The following WDR86 variants were observed in gnomAD, a reference collection of about 807,000 sequenced individuals.
The protein encoded by WDR86 is WD repeat-containing protein 86.
WDR86 carries 30 observed loss-of-function variants against 36.5 expected under a neutral mutation model. That is an observed-to-expected ratio of 0.82 (90% CI 0.61 to 1.11). WDR86 has a LOEUF of 1.11. Among genes scored for constraint, WDR86 ranks in the 50% most tolerant of loss-of-function variants. The pLI, the probability that WDR86 is intolerant of heterozygous loss-of-function variation, is 0.00. For missense variants in WDR86, 545 were observed against 561.2 expected (o/e 0.97, Z 0.29); for synonymous variants, 255 against 252.9 (o/e 1.01, Z -0.08).
chr7:151,376,100 G>T (rs531629840), exon 2 of WDR86: 4 of 617,046 alleles, frequency 6.5e-6, no homozygotes, highest in Admixed American at 2.6e-5. Flanking sequence ...GGCCACCCAC[G>T]CAGTAACAGA....
chr7:151,405,809 T>C lies in WDR86; in HGVS notation c.163+3618A>G, dbSNP rs1255600374. On this transcript the variant is annotated intron_variant, in intron 1 of 5. Transcript: ENST00000334493. The surrounding 1 kb of genome is among the most constrained non-coding windows in gnomAD (Gnocchi z 4.7). The stretch of plus-strand genomic sequence containing the variant: ...TCCTATGCCACCGGCTCCCAGCAAA[T>C]GGGAATGTGGGGTTGTACCCAGGAA... Among the ~76,000 whole-genome samples the C allele has an allele frequency of 6.6e-6, 1 of 152,020 alleles. No individual in the cohort carries two copies. Among genetic ancestry groups the C allele is most frequent in the African/African-American group, 2.4e-5 (1 of 41,388 alleles).
At position 151,400,383 on chromosome 7, in the gene WDR86, G is replaced by T. The variant is rs962332538; in HGVS notation, c.164-142C>A. Reference sequence around the variant, plus strand: ...GCTGGAGTCAATTAGCATTAGTTTTGTTTTGTTTTGTTTTTTTGAGACAGA... The same window carrying T: ...GCTGGAGTCAATTAGCATTAGTTTTTTTTTGTTTTGTTTTTTTGAGACAGA... On this transcript the variant is annotated intron_variant, in intron 1 of 5. Transcript: ENST00000334493. 219 of 979,648 alleles carry T rather than the reference G, an allele frequency of 2.2e-4. 2 individuals are homozygous for T. The highest frequency in any genetic ancestry group is 3.5e-5 in the Non-Finnish European group (25 of 705,712). 60.7% of individuals were successfully genotyped at this position (979,648 alleles called of 1,614,324 possible).
intron 3 of WDR86, among the ~76,000 whole-genome samples, chr7:151,395,226 A>G (rs917411446): frequency 6.6e-6 from 1 of 152,206 alleles, no homozygotes; most frequent in African/African-American, 2.4e-5. Flanking sequence ...CAGCACAAAG[A>G]CAAACCAGGA....
intron 1 of WDR86, chr7:151,408,727 T>A: frequency 2.7e-6 from 1 of 373,856 alleles, no homozygotes; most frequent in Non-Finnish European, 5.5e-6. Flanking sequence ...TCACAGTGCA[T>A]GGGACAGGCC....
At chr7:151,393,012 C>T (rs1275668862) in intron 3 of WDR86, among the ~76,000 whole-genome samples, 1 of 152,204 alleles carries the variant, frequency 6.6e-6, no homozygotes, top group Non-Finnish European at 1.5e-5. Context: ...ACCTTCTGTC[C>T]CCAGTCCTCT....
intron 1 of WDR86, chr7:151,408,734 G>A (rs1340252221): frequency 5.2e-6 from 2 of 383,946 alleles, no homozygotes; most frequent in Non-Finnish European, 1.1e-5. Context: ...GCATGGGACA[G>A]GCCCAGGGGA....
Position 151,409,254 on chromosome 7 carries a change from C to T in WDR86, c.163+173G>A. On this transcript the variant is annotated intron_variant, in intron 1 of 5. Transcript: ENST00000334493. This position sits in a 1 kb window ranked among gnomAD's most constrained non-coding sequence, Gnocchi z 5.2. ...CACCCCCAGACCTCACCCTGCCCTG[C>T]CGTGCGCTCAACAGCCAGATGCTGG... The T allele has an allele frequency of 1.7e-6, 2 of 1,149,810 alleles. No homozygotes were observed. Among genetic ancestry groups the T allele is most frequent in the Non-Finnish European group, 2.5e-6 (2 of 807,000 alleles). The allele number at this position is 1,149,810 out of a possible 1,614,324, so 71.2% of individuals were successfully genotyped here.
In WDR86 at chr7:151,381,154, C is replaced by T. The variant is rs1798530231; in HGVS notation, c.*428G>A. ...ACGTTCAGGCTGTATATTTCAGTTCCCCCCAAGGCCCTCGAGACGGACGAT... is the reference window on the plus strand; with the variant it reads ...ACGTTCAGGCTGTATATTTCAGTTCTCCCCAAGGCCCTCGAGACGGACGAT... On this transcript the variant is annotated 3_prime_UTR_variant, in exon 6 of 6. Coordinates refer to ENST00000334493, the MANE Select transcript of WDR86 (RefSeq NM_198285.3). The surrounding 1 kb of genome is among the most constrained non-coding windows in gnomAD (Gnocchi z 4.8). 8.0e-7 allele frequency: 1 copy of T among 1,243,072 alleles called. No homozygotes were observed. Among genetic ancestry groups the T allele is most frequent in the Non-Finnish European group, 1.0e-6 (1 of 995,692 alleles). 77.0% of individuals were successfully genotyped at this position (1,243,072 alleles called of 1,614,324 possible).
In WDR86 at chr7:151,395,791, G is replaced by A. The variant is rs774160546; in HGVS notation, c.711C>T (p.Ser237=). The part of the protein sequence containing the change: ...QLRVFREHRG[S]VICLELVNRL... ...ACAGTCTCACCTCCAGACAGATGAC[G>A]GAGCCCCGGTGCTCCCGGAACACCC... Residue 237 remains serine (S), a synonymous_variant, in exon 3 of 6, where the codon TCC becomes TCT. Coordinates refer to ENST00000334493, the MANE Select transcript of WDR86 (RefSeq NM_198285.3). 13 of 1,560,726 alleles carry A rather than the reference G, an allele frequency of 8.3e-6. No homozygotes were observed. The highest frequency in any genetic ancestry group is 3.5e-5 in the South Asian group (3 of 84,618).
chr7:151,403,988 A>G (rs1242656322), intron 1 of WDR86, among the ~76,000 whole-genome samples: 3 of 152,198 alleles, frequency 2.0e-5, no homozygotes, highest in Non-Finnish European at 4.4e-5. Flanking sequence ...GGTGAAGCGC[A>G]GCAGTGAGTC....
In WDR86 at chr7:151,381,886, A is replaced by G. The variant is rs144230838; in HGVS notation, c.958T>C (p.Cys320Arg). 6.2e-5 allele frequency: 99 copies of G among 1,608,818 alleles called. 1 individual carries two copies. The African/African-American group carries it at 1.2e-3, about 19-fold the overall frequency. Residue 320 changes from cysteine (C) to arginine (R), a missense_variant, in exon 5 of 6, where the codon TGC (cysteine) becomes CGC (arginine). Transcript: ENST00000334493. The surrounding 1 kb of genome is among the most constrained non-coding windows in gnomAD (Gnocchi z 4.8). ...VFRGHTFIIN[C>R]IQVHGQVLYT... is the part of the protein sequence containing the mutation. Reference sequence around the variant, plus strand: ...AGGGCAGAGGGACCTACCTGGATGCAGTTGATGATGAATGTGTGGCCCCGG... The same window carrying G: ...AGGGCAGAGGGACCTACCTGGATGCGGTTGATGATGAATGTGTGGCCCCGG...
At position 151,405,555 on chromosome 7, in the gene WDR86, G is replaced by T. The variant is rs562783547; in HGVS notation, c.163+3872C>A. Among the ~76,000 whole-genome samples the T allele has an allele frequency of 6.6e-6, 1 of 152,210 alleles. No individual in the cohort carries two copies. The stretch of plus-strand genomic sequence containing the variant: ...ATCTGGGCCCAGAAGCACCAACAGC[G>T]TGGCTGGAATGGACACTGACGTGGC... On this transcript the variant is annotated intron_variant, in intron 1 of 5. Transcript: ENST00000334493. The surrounding 1 kb of genome is among the most constrained non-coding windows in gnomAD (Gnocchi z 4.7).
At chr7:151,404,920 T>G (rs748763406) in intron 1 of WDR86, among the ~76,000 whole-genome samples, 4 of 152,162 alleles carry the variant, frequency 2.6e-5, no homozygotes, top group Non-Finnish European at 5.9e-5. Context: ...GCCCCTGACT[T>G]GCGTGGAAGC....
In WDR86 at chr7:151,388,891, G is replaced by A. The variant is rs1799190774; in HGVS notation, c.727-3668C>T. Among the ~76,000 whole-genome samples, 1 of 152,030 alleles carries A rather than the reference G, an allele frequency of 6.6e-6. No individual in the cohort carries two copies. Among genetic ancestry groups the A allele is most frequent in the Non-Finnish European group, 1.5e-5 (1 of 68,008 alleles). ...ATTAGGAAGTAAAGTGGTTATGAGG[G>A]CCCGCCTCATAAATGAGATGAGTTC... On this transcript the variant is annotated intron_variant, in intron 3 of 5. Transcript: ENST00000334493. This position sits in a 1 kb window ranked among gnomAD's most constrained non-coding sequence, Gnocchi z 4.2.
At chr7:151,407,899 T>A (rs1223609033) in intron 1 of WDR86, among the ~76,000 whole-genome samples, 1 of 152,082 alleles carries the variant, frequency 6.6e-6, no homozygotes, top group South Asian at 2.1e-4. Flanking sequence ...GAGGACTGCA[T>A]CACTGGAGCC....
chr7:151,402,070 A>AAAAAAAAAAATATAT lies in WDR86; in HGVS notation c.164-1830_164-1829insATATATTTTTTTTTT. The stretch of plus-strand genomic sequence containing the variant: ...CTCAAAAAAAAAAAAAAAAAAAAAA[A>AAAAAAAAAAATATAT]ATATATATATATATATATATATCTC... On this transcript the variant is annotated intron_variant, in intron 1 of 5. Coordinates refer to ENST00000334493, the MANE Select transcript of WDR86 (RefSeq NM_198285.3). Among the ~76,000 whole-genome samples, 8 of 50,534 alleles carry AAAAAAAAAAATATAT rather than the reference A, an allele frequency of 1.6e-4. 1 individual carries two copies. The highest frequency in any genetic ancestry group is 9.4e-4 in the African/African-American group (8 of 8,492). The allele number at this position is 50,534 out of a possible 152,430, so 33.2% of individuals were successfully genotyped here.
chr7:151,409,913 C>T lies in WDR86; in HGVS notation c.-324G>A. 3 of 1,101,426 alleles carry T rather than the reference C, an allele frequency of 2.7e-6. No homozygotes were observed. The highest frequency in any genetic ancestry group is 4.4e-5 in the South Asian group (1 of 22,678). 68.2% of individuals were successfully genotyped at this position (1,101,426 alleles called of 1,614,324 possible). A position where few individuals can be genotyped will look rare whatever the true frequency, so the allele number is the denominator to read the frequency against. On this transcript the variant is annotated 5_prime_UTR_variant, in exon 1 of 6. Coordinates refer to ENST00000334493, the MANE Select transcript of WDR86 (RefSeq NM_198285.3). This position sits in a 1 kb window ranked among gnomAD's most constrained non-coding sequence, Gnocchi z 5.2. ...TCCACACCCCACCGGGCGAACAAGG[C>T]AGCTGCGTCTCTGGTGCACAAGGAG...
At position 151,406,555 on chromosome 7, in the gene WDR86, G is replaced by A. The variant is rs1191156071; in HGVS notation, c.163+2872C>T. Among the ~76,000 whole-genome samples the A allele has an allele frequency of 6.6e-6, 1 of 152,180 alleles. No homozygotes were observed. The highest frequency in any genetic ancestry group is 2.4e-5 in the African/African-American group (1 of 41,422). On this transcript the variant is annotated intron_variant, in intron 1 of 5. Coordinates refer to ENST00000334493, the MANE Select transcript of WDR86 (RefSeq NM_198285.3). The surrounding 1 kb of genome is among the most constrained non-coding windows in gnomAD (Gnocchi z 4.4). The stretch of plus-strand genomic sequence containing the variant: ...GAGTTAGGATGCTTCTAGGGATGGG[G>A]CCACCACAGACCAGCCATGTGGTCT...
Position 151,390,769 on chromosome 7 carries a change from G to A in WDR86, c.726+5007C>T, listed in dbSNP as rs932699081. 2.0e-5 allele frequency among the ~76,000 whole-genome samples: 3 copies of A among 152,238 alleles called. No individual in the cohort carries two copies. Among genetic ancestry groups the A allele is most frequent in the African/African-American group, 7.2e-5 (3 of 41,462 alleles). On this transcript the variant is annotated intron_variant, in intron 3 of 5. Transcript: ENST00000334493. The surrounding 1 kb of genome is among the most constrained non-coding windows in gnomAD (Gnocchi z 4.5). Reference sequence around the variant, plus strand: ...CACAGACGAACCCTGAAGATCTTATGCTCATGAAATAAGCCAGACAGGAAA... The same window carrying A: ...CACAGACGAACCCTGAAGATCTTATACTCATGAAATAAGCCAGACAGGAAA...
Sources: allele counts gnomAD v4.1 joint callset (sites outside exome capture counted in the v4.1 genomes callset), GRCh38; gene constraint gnomAD v4.1.1; non-coding constraint Gnocchi (gnomAD v3.1); transcripts MANE v1.5; gene names NCBI Gene and HGNC (gene_info 2026-07-23, HGNC 2026-07-21).